Variants in PLEKHG7 observed in about 807,000 individuals in gnomAD.
The protein encoded by PLEKHG7 is pleckstrin homology domain-containing family G member 7.
A neutral mutation model predicts 85.2 loss-of-function variants in PLEKHG7; 77 were observed. The observed-to-expected ratio is 0.90, with a 90% CI of 0.75 to 1.09. The LOEUF is 1.09. Among genes scored for constraint, PLEKHG7 ranks in the 50% least tolerant of loss-of-function variants. The pLI is 0.00. For synonymous variants in PLEKHG7, 301 were observed against 302.4 expected, an observed-to-expected ratio of 1.00 and a Z score of 0.05; for missense variants, 777 against 804.3, an observed-to-expected ratio of 0.97 and a Z score of 0.41.
At chr12:92,758,022 A>AC (rs1020117747) in intron 13 of PLEKHG7, among the ~76,000 whole-genome samples, 1 of 152,084 alleles carries the variant, frequency 6.6e-6, no homozygotes, top group Non-Finnish European at 1.5e-5. Flanking sequence ...TGGTCAACCC[A>AC]CCCCCCACTT....
At chr12:92,708,000 T>A (rs536727869) in intron 3 of PLEKHG7, 1 of 360,660 alleles carries the variant, frequency 2.8e-6, no homozygotes, top group South Asian at 4.8e-5. Context: ...AGGCCAGAGA[T>A]ATGCAACAGC....
chr12:92,734,666 A>G (rs1872087855), intron 5 of PLEKHG7, among the ~76,000 whole-genome samples: 1 of 150,926 alleles, frequency 6.6e-6, no homozygotes, highest in Admixed American at 6.6e-5. Flanking sequence ...AGACCTGGAA[A>G]CTCCTCCCTC....
At chr12:92,720,945 C>A (rs1020148755) in intron 3 of PLEKHG7, among the ~76,000 whole-genome samples, 1 of 152,164 alleles carries the variant, frequency 6.6e-6, no homozygotes. Context: ...TGGAGTCAGA[C>A]CTGCATATTT....
intron 4 of PLEKHG7, among the ~76,000 whole-genome samples, chr12:92,729,558 C>T (rs181800687): frequency 1.6e-4 from 25 of 151,842 alleles, no homozygotes; most frequent in East Asian, 1.4e-3. Flanking sequence ...GCAGAGGTGC[C>T]GGTGGCAGAT....
intron 3 of PLEKHG7, chr12:92,708,065 T>A (rs746379658): frequency 4.3e-6 from 1 of 234,842 alleles, no homozygotes; most frequent in Non-Finnish European, 8.4e-6. Context: ...CCTGGTTAAA[T>A]CTAGGGTGAC....
chr12:92,769,101 G>C, intron 16 of PLEKHG7, 21 bp downstream of exon 16: 1 of 1,487,736 alleles, frequency 6.7e-7, no homozygotes, highest in South Asian at 1.2e-5. Flanking sequence ...TAATTTTGTA[G>C]GTCTTTGATT....
At chr12:92,708,808 C>T (rs937034523) in intron 3 of PLEKHG7, among the ~76,000 whole-genome samples, 1 of 152,150 alleles carries the variant, frequency 6.6e-6, no homozygotes, top group Admixed American at 6.5e-5. Context: ...GCAAGTCACT[C>T]AGTTGAACTC....
intron 10 of PLEKHG7, among the ~76,000 whole-genome samples, chr12:92,745,899 C>G (rs1872523167): frequency 6.6e-6 from 1 of 152,122 alleles, no homozygotes; most frequent in Admixed American, 6.5e-5. Context: ...AAGGAGAAAA[C>G]TATATAGTAA....
chr12:92,748,972 C>T (rs1316062294), intron 10 of PLEKHG7, among the ~76,000 whole-genome samples: 4 of 152,050 alleles, frequency 2.6e-5, no homozygotes, highest in South Asian at 2.1e-4. Context: ...ATATTGTTCC[C>T]GTTTTTCAGG....
chr12:92,738,482 C>A (rs1872247823), intron 7 of PLEKHG7, among the ~76,000 whole-genome samples: 1 of 152,222 alleles, frequency 6.6e-6, no homozygotes, highest in South Asian at 2.1e-4. Flanking sequence ...ATACCCTAAA[C>A]CAGGGGTTGA....
At chr12:92,715,943 G>T (rs1038191338) in intron 3 of PLEKHG7, among the ~76,000 whole-genome samples, 2 of 152,162 alleles carry the variant, frequency 1.3e-5, no homozygotes, top group African/African-American at 4.8e-5. Context: ...CAGAAAAGGT[G>T]TGCTGACCCC....
In PLEKHG7 at chr12:92,764,090, A is replaced by G. The variant is rs747188747; in HGVS notation, c.1766A>G (p.Glu589Gly). 6.2e-7 allele frequency: 1 copy of G among 1,613,026 alleles called. No homozygotes were observed. Among genetic ancestry groups the G allele is most frequent in the South Asian group, 1.1e-5 (1 of 90,950 alleles). Residue 589 changes from glutamate to glycine, a missense_variant, in exon 15 of 17, where the codon GAG becomes GGG. Physicochemically the swap from Glu to Gly is moderately conservative, Grantham distance 98. This residue lies in a region of PLEKHG7 where 520 missense variants were observed against 544.0 expected (regional missense o/e 0.96). Coordinates refer to ENST00000344636, the MANE Select transcript of PLEKHG7 (RefSeq NM_001377329.1). The stretch of plus-strand genomic sequence containing the variant: ...TTAATGTGTCCTTCTCTTACTCCTG[A>G]GTTGCAAGCAGTAATAAAAGAGGGT... ...PGLMCPSLTP[E>G]LQAVIKEGGS...
In PLEKHG7 at chr12:92,768,124, T is replaced by C. The variant is rs1873267585; in HGVS notation, c.1871-859T>C. Reference sequence around the variant, plus strand: ...TCAGGAGGCTGAAGCAGGAGAACCATGTGAACCTGGGAGGCAGAGGTACAG... The same window carrying C: ...TCAGGAGGCTGAAGCAGGAGAACCACGTGAACCTGGGAGGCAGAGGTACAG... On this transcript the variant is annotated intron_variant, in intron 15 of 16. Coordinates refer to ENST00000344636, the MANE Select transcript of PLEKHG7 (RefSeq NM_001377329.1). Among the ~76,000 whole-genome samples, 3 of 150,964 alleles carry C rather than the reference T, an allele frequency of 2.0e-5. No homozygotes were observed. The South Asian group carries it at 6.3e-4, about 32-fold the overall frequency.
At chr12:92,717,687 A>G (rs1256288507) in intron 3 of PLEKHG7, among the ~76,000 whole-genome samples, 2 of 152,230 alleles carry the variant, frequency 1.3e-5, no homozygotes, top group Non-Finnish European at 2.9e-5. Context: ...GTACCATAAC[A>G]CGGTGTACAG....
At chr12:92,715,061 T>TAGAC (rs1460815128) in intron 3 of PLEKHG7, among the ~76,000 whole-genome samples, 1 of 150,280 alleles carries the variant, frequency 6.7e-6, no homozygotes, top group Non-Finnish European at 1.5e-5. Context: ...GATAGATAGA[T>TAGAC]AGATAAAGAG....
intron 15 of PLEKHG7, among the ~76,000 whole-genome samples, chr12:92,764,686 A>G (rs1378122466): frequency 6.6e-6 from 1 of 152,270 alleles, no homozygotes; most frequent in South Asian, 2.1e-4. Context: ...ATATGCATGT[A>G]TCTACATGAC....
chr12:92,735,324 C>T (rs1230612213), intron 5 of PLEKHG7, among the ~76,000 whole-genome samples: 2 of 152,208 alleles, frequency 1.3e-5, no homozygotes, highest in African/African-American at 2.4e-5. Context: ...TAGGTTTCCT[C>T]TTTCAGTGCC....
Position 92,771,802 on chromosome 12 carries a change from T to C in PLEKHG7, c.*1607T>C, listed in dbSNP as rs1780762858. 1 of 152,024 alleles carries C rather than the reference T, an allele frequency of 6.6e-6. No homozygotes were observed. Among genetic ancestry groups the C allele is most frequent in the African/African-American group, 2.4e-5 (1 of 41,428 alleles). The allele number at this position is 152,024 out of a possible 1,614,324, so 9.4% of individuals were successfully genotyped here. ...TCTCAAATTCCTTTAGTCCCATGAA[T>C]CCAGCAACCACAGACTTACATGTAT... On this transcript the variant is annotated 3_prime_UTR_variant, in exon 17 of 17. Transcript: ENST00000344636.
In PLEKHG7 at chr12:92,770,368, C is replaced by T. The variant is rs1873373340; in HGVS notation, c.*173C>T. The T allele has an allele frequency of 1.9e-6, 1 of 538,566 alleles. No homozygotes were observed. Among genetic ancestry groups the T allele is most frequent in the Non-Finnish European group, 3.2e-6 (1 of 308,426 alleles). The allele number at this position is 538,566 out of a possible 1,614,324, so 33.4% of individuals were successfully genotyped here. ...AATCCTCAGTATAGAGGAATAATGACTGCAACAAATTTGAACTCTGAGGAA... is the reference window on the plus strand; with the variant it reads ...AATCCTCAGTATAGAGGAATAATGATTGCAACAAATTTGAACTCTGAGGAA... On this transcript the variant is annotated 3_prime_UTR_variant, in exon 17 of 17. Transcript: ENST00000344636.
Sources: allele counts gnomAD v4.1 joint callset (sites outside exome capture counted in the v4.1 genomes callset), GRCh38; gene constraint gnomAD v4.1.1; regional missense constraint gnomAD v4.1.1; transcripts MANE v1.5; gene names NCBI Gene and HGNC (gene_info 2026-07-23, HGNC 2026-07-21).